The following ACSM6 variants were observed in gnomAD, a reference collection of about 807,000 sequenced individuals.
ACSM6 encodes the protein acyl-CoA synthetase medium chain family member 6.
Under a neutral mutation model 51.1 loss-of-function variants are expected in ACSM6, and 35 were observed. That is an observed-to-expected ratio of 0.69 (90% confidence interval 0.52 to 0.91). The LOEUF (loss-of-function observed/expected upper bound fraction) is 0.91, where lower values mean the gene tolerates loss of function less well. ACSM6 is among the 40% of genes least tolerant of loss of function. The probability of loss-of-function intolerance (pLI) is 0.00; values close to 1 mark genes in which losing one functional copy is unlikely to be tolerated. For synonymous variants in ACSM6, 172 were observed against 207.3 expected, an observed-to-expected ratio of 0.83 and a Z score of 1.46; for missense variants, 509 against 584.1, an observed-to-expected ratio of 0.87 and a Z score of 1.32.
intron 2 of ACSM6, among the ~76,000 whole-genome samples, chr10:95,201,150 G>T (rs2034790548): frequency 1.3e-5 from 2 of 152,336 alleles, no homozygotes; most frequent in Admixed American, 6.5e-5. Flanking sequence ...TCTACTTACA[G>T]GATCATGCCC....
At chr10:95,221,905 G>A (rs1342820018) in intron 9 of ACSM6, among the ~76,000 whole-genome samples, 2 of 152,116 alleles carry the variant, frequency 1.3e-5, no homozygotes, top group Non-Finnish European at 2.9e-5. Flanking sequence ...AAATTGGGTA[G>A]AGAAGGAACT....
chr10:95,213,322 A>C (rs1227959424), intron 7 of ACSM6, among the ~76,000 whole-genome samples: 3 of 152,170 alleles, frequency 2.0e-5, no homozygotes, highest in Non-Finnish European at 4.4e-5. Flanking sequence ...CATTTCTCAG[A>C]GCAAACGGGA....
chr10:95,210,088 T>C (rs906351439), intron 4 of ACSM6, among the ~76,000 whole-genome samples: 2 of 152,254 alleles, frequency 1.3e-5, no homozygotes, highest in Admixed American at 1.3e-4. Flanking sequence ...TTGTTTATCA[T>C]GGATTTTTGC....
chr10:95,214,964 C>G (rs2034930262), exon 8 of ACSM6: 1 of 1,551,402 alleles, frequency 6.4e-7, no homozygotes, highest in African/African-American at 1.4e-5. Flanking sequence ...AGGCTATGGG[C>G]AGACGGAAAC....
intron 2 of ACSM6, among the ~76,000 whole-genome samples, chr10:95,198,199 T>A (rs774826726): frequency 2.0e-5 from 3 of 152,048 alleles, no homozygotes; most frequent in African/African-American, 4.8e-5. Flanking sequence ...AGTAACAGTC[T>A]GATCTCTCTT....
chr10:95,228,087 G>C (rs2035058339), intron 10 of ACSM6, among the ~76,000 whole-genome samples: 1 of 150,792 alleles, frequency 6.6e-6, no homozygotes, highest in African/African-American at 2.4e-5. Context: ...AAAAAAAAAA[G>C]AATCTGTGAA....
At chr10:95,218,819 G>GT (rs1397582714) in intron 8 of ACSM6, among the ~76,000 whole-genome samples, 63 of 152,298 alleles carry the variant, frequency 4.1e-4, no homozygotes, top group Non-Finnish European at 2.9e-5. Flanking sequence ...CATAAAACTA[G>GT]TTACTGCGGT....
chr10:95,211,915 A>C (rs761173822), exon 6 of ACSM6: 3 of 1,613,034 alleles, frequency 1.9e-6, no homozygotes, highest in Non-Finnish European at 2.5e-6. Context: ...TGTCTTGTGG[A>C]GTCTGGGTGA....
chr10:95,220,093 A>C, intron 9 of ACSM6, 122 bp downstream of exon 9: 1 of 738,902 alleles, frequency 1.4e-6, no homozygotes, highest in Non-Finnish European at 2.3e-6. Context: ...AATTCACCCC[A>C]AGGATAATCT....
intron 2 of ACSM6, among the ~76,000 whole-genome samples, chr10:95,196,959 C>T (rs1027904512): frequency 1.3e-5 from 2 of 152,020 alleles, no homozygotes; most frequent in African/African-American, 4.8e-5. Flanking sequence ...AAATGAATAT[C>T]TTTGTGTATC....
At chr10:95,197,568 G>A (rs2034745410) in intron 2 of ACSM6, among the ~76,000 whole-genome samples, 1 of 152,144 alleles carries the variant, frequency 6.6e-6, no homozygotes, top group African/African-American at 2.4e-5. Context: ...GTGGAGTAAA[G>A]AATAACAAGG....
chr10:95,228,517 T>G (rs1301515039), intron 10 of ACSM6, 127 bp from the exon 11 acceptor site: 1 of 906,390 alleles, frequency 1.1e-6, no homozygotes, highest in Non-Finnish European at 1.5e-6. Flanking sequence ...TGAGATCCCC[T>G]GGAGAGTGGG....
At chr10:95,217,442 A>C (rs1369157175) in intron 8 of ACSM6, among the ~76,000 whole-genome samples, 3 of 152,208 alleles carry the variant, frequency 2.0e-5, no homozygotes, top group African/African-American at 7.2e-5. Context: ...CTTCCTGAGA[A>C]GCAAAAACAC....
chr10:95,203,548 T>A (rs1006846257), intron 3 of ACSM6, among the ~76,000 whole-genome samples: 1 of 152,066 alleles, frequency 6.6e-6, no homozygotes, highest in Admixed American at 6.5e-5. Flanking sequence ...TCAGCCAGAA[T>A]AGAGCTGCTC....
At chr10:95,195,985 CCT>C (rs990283107) in intron 2 of ACSM6, among the ~76,000 whole-genome samples, 8 of 122,552 alleles carry the variant, frequency 6.5e-5, no homozygotes, top group Non-Finnish European at 1.5e-4. Context: ...AGCTGTGCCC[CCT>C]CTTGGGGTGC....
intron 4 of ACSM6, among the ~76,000 whole-genome samples, chr10:95,209,425 T>C (rs1445160588): frequency 1.3e-5 from 2 of 152,072 alleles, no homozygotes; most frequent in African/African-American, 4.8e-5. Flanking sequence ...AGGGAAGGAC[T>C]TGATCTCAGC....
intron 3 of ACSM6, 21 bp downstream of exon 3, chr10:95,202,216 C>T: frequency 1.9e-6 from 3 of 1,543,820 alleles, no homozygotes; most frequent in South Asian, 1.2e-5. Flanking sequence ...GGAGACGGAC[C>T]CCAGGGGTTG....
chr10:95,196,571 T>TTTC (rs1257463980), intron 2 of ACSM6, among the ~76,000 whole-genome samples: 1 of 152,164 alleles, frequency 6.6e-6, no homozygotes, highest in African/African-American at 2.4e-5. Flanking sequence ...TTCATATATA[T>TTTC]TTCTTTTCTA....
intron 8 of ACSM6, among the ~76,000 whole-genome samples, chr10:95,219,086 T>A (rs981192228): frequency 1.3e-5 from 2 of 152,202 alleles, no homozygotes; most frequent in African/African-American, 4.8e-5. Flanking sequence ...ATTACACCCA[T>A]GGTTGACTCA....
Sources: gnomAD v4.1 joint callset for allele counts (sites outside exome capture counted in the v4.1 genomes callset) on GRCh38, gnomAD v4.1.1 for gene constraint, MANE v1.5 for transcripts, NCBI Gene and HGNC (gene_info 2026-07-23, HGNC 2026-07-21) for gene names.